The following ANKS1B variants were observed in gnomAD, a reference collection of about 807,000 sequenced individuals.
ANKS1B encodes the protein ankyrin repeat and sterile alpha motif domain-containing protein 1B.
Under a neutral mutation model 148.3 loss-of-function variants are expected in ANKS1B, and 36 were observed. That is an observed-to-expected ratio of 0.24 (90% CI 0.19 to 0.32). The LOEUF (loss-of-function observed/expected upper bound fraction) is 0.32, where lower values mean the gene tolerates loss of function less well. Ranked by LOEUF, ANKS1B falls within the 10% of genes least tolerant of loss-of-function variation. ANKS1B has a pLI of 1.00. For synonymous variants in ANKS1B, 542 were observed against 560.8 expected (o/e 0.97, Z 0.47); for missense variants, 1,157 against 1,542.6 (o/e 0.75, Z 4.19).
chr12:98,808,727 A>G (rs1222279723), intron 19 of ANKS1B, among the ~76,000 whole-genome samples: 1 of 152,224 alleles, frequency 6.6e-6, no homozygotes, highest in Non-Finnish European at 1.5e-5. Context: ...AGAAACCTTC[A>G]AAGAGACCGA....
At chr12:99,568,938 A>G (rs1365590678) in intron 9 of ANKS1B, among the ~76,000 whole-genome samples, 1 of 152,236 alleles carries the variant, frequency 6.6e-6, no homozygotes, top group African/African-American at 2.4e-5. Flanking sequence ...AATAGTTACA[A>G]TGATTCATAC....
chr12:99,320,076 G>A (rs1481174832), intron 12 of ANKS1B, among the ~76,000 whole-genome samples: 4 of 152,218 alleles, frequency 2.6e-5, no homozygotes, highest in Non-Finnish European at 4.4e-5. Flanking sequence ...TAGTCTGATC[G>A]GCTTCCCTTT....
intron 9 of ANKS1B, among the ~76,000 whole-genome samples, chr12:99,584,605 A>G (rs56131182): frequency 0.12 from 17,805 of 151,420 alleles, 1,291 homozygotes; most frequent in Non-Finnish European, 0.16. Flanking sequence ...TTGAGAGAGA[A>G]ATATATATAT....
chr12:99,126,907 T>C (rs1032307787), intron 15 of ANKS1B, among the ~76,000 whole-genome samples: 6 of 152,150 alleles, frequency 3.9e-5, no homozygotes, highest in Admixed American at 6.6e-5. Flanking sequence ...AAATGTATAC[T>C]GGTAACCGAT....
rs143352045 is a variant in ANKS1B, at chr12:99,085,767, A to G, written c.2527-744T>C. 7.0e-3 allele frequency among the ~76,000 whole-genome samples: 1,063 copies of G among 152,284 alleles called. 13 individuals are homozygous for G. The highest frequency in any genetic ancestry group is 0.046 in the South Asian group (219 of 4,812). ...CCTTAGCAAACTAATGCAGGAACAG[A>G]AAACCAAACACCACATGTTCTCGCT... On this transcript the variant is annotated intron_variant, in intron 15 of 26. Coordinates refer to ENST00000683438, the MANE Select transcript of ANKS1B (RefSeq NM_001352186.2).
chr12:99,303,857 C>T (rs1326377738), intron 12 of ANKS1B, among the ~76,000 whole-genome samples: 1 of 152,136 alleles, frequency 6.6e-6, no homozygotes, highest in Admixed American at 6.6e-5. Flanking sequence ...TTAGCTCCCA[C>T]ATATAAGTGA....
At chr12:99,852,189 G>A (rs552803789) in intron 1 of ANKS1B, among the ~76,000 whole-genome samples, 51 of 152,236 alleles carry the variant, frequency 3.4e-4, no homozygotes, top group African/African-American at 9.9e-4. Flanking sequence ...TTCACCTTAC[G>A]GGTTTTCTCA....
chr12:98,770,213 G>C (rs10860366), intron 25 of ANKS1B, among the ~76,000 whole-genome samples: 94,725 of 152,066 alleles, frequency 0.62, 30,152 homozygotes, highest in East Asian at 0.77. Context: ...AATTAGGACT[G>C]GGAAAAGTCC....
At chr12:98,743,446 C>T (rs190460330), downstream of ANKS1B, among the ~76,000 whole-genome samples, 13 of 152,306 alleles carry the variant, frequency 8.5e-5, no homozygotes, top group African/African-American at 3.1e-4. Context: ...ATGACCCCCC[C>T]TGCCCATGGT....
At chr12:99,216,780 C>T (rs987399654) in intron 14 of ANKS1B, among the ~76,000 whole-genome samples, 4 of 152,170 alleles carry the variant, frequency 2.6e-5, no homozygotes, top group African/African-American at 9.7e-5. Flanking sequence ...AATTTTCATA[C>T]TAGAATTTTT....
rs558959810 is a variant in ANKS1B at position 98,984,245 on chromosome 12, T to C, written c.2778+68912A>G. 1.8e-4 allele frequency among the ~76,000 whole-genome samples: 27 copies of C among 152,352 alleles called. No homozygotes were observed. The East Asian group carries it at 4.8e-3, about 27-fold the overall frequency. ...TAATCTCCTGGAAGGGTAGTTTGTG[T>C]GGTAAAATACTCTGGCCTTTTGATA... On this transcript the variant is annotated intron_variant, in intron 17 of 26. Transcript: ENST00000683438.
At chr12:99,727,161 A>G (rs990812762) in intron 8 of ANKS1B, among the ~76,000 whole-genome samples, 1 of 152,170 alleles carries the variant, frequency 6.6e-6, no homozygotes, top group African/African-American at 2.4e-5. Context: ...AAGAGAAAGA[A>G]GTAAAGCATA....
intron 1 of ANKS1B, among the ~76,000 whole-genome samples, chr12:99,891,161 T>C (rs566879529): frequency 2.0e-5 from 3 of 152,340 alleles, no homozygotes; most frequent in South Asian, 4.1e-4. Context: ...AATCATGTAG[T>C]AGTAGGTCTA....
rs1364287827 is a variant in ANKS1B at position 99,010,896 on chromosome 12, C to CTTT, written c.2778+42258_2778+42260dup. Among the ~76,000 whole-genome samples, 12 of 113,858 alleles carry CTTT rather than the reference C, an allele frequency of 1.1e-4. 3 individuals carry two copies. The highest frequency in any genetic ancestry group is 2.7e-4 in the African/African-American group (7 of 25,680). The allele number at this position is 113,858 out of a possible 152,430, so 74.7% of individuals were successfully genotyped here. On this transcript the variant is annotated intron_variant, in intron 17 of 26. Coordinates refer to ENST00000683438, the MANE Select transcript of ANKS1B (RefSeq NM_001352186.2). Reference sequence around the variant, plus strand: ...AAGTAGCTAGGACTACAGGTGTGAGCTTTTGTTTTTTTTTTTTTTTTTTTT... The same window carrying CTTT: ...AAGTAGCTAGGACTACAGGTGTGAGCTTTTTTTGTTTTTTTTTTTTTTTTTTTT...
At chr12:99,129,693 A>C (rs914021211) in intron 15 of ANKS1B, among the ~76,000 whole-genome samples, 1 of 152,158 alleles carries the variant, frequency 6.6e-6, no homozygotes, top group Non-Finnish European at 1.5e-5. Flanking sequence ...TTAAAACTTT[A>C]AAGTCTTTAT....
chr12:99,097,413 C>G (rs936375581), intron 15 of ANKS1B: 2 of 151,918 alleles, frequency 1.3e-5, no homozygotes, highest in Non-Finnish European at 2.9e-5. Context: ...GAATTAGGAT[C>G]CCATATGGCT....
intron 1 of ANKS1B, among the ~76,000 whole-genome samples, chr12:99,869,034 G>A (rs2091131714): frequency 6.6e-6 from 1 of 152,060 alleles, no homozygotes; most frequent in Admixed American, 6.6e-5. Context: ...TCCAGCCTAG[G>A]TAACAAAATG....
intron 6 of ANKS1B, among the ~76,000 whole-genome samples, 176 bp downstream of exon 6, chr12:99,779,695 A>G (rs892183077): frequency 2.0e-5 from 3 of 152,198 alleles, no homozygotes; most frequent in Non-Finnish European, 4.4e-5. Flanking sequence ...TAGTTGAAAA[A>G]CAAAAATAAA....
At chr12:99,584,225 A>G (rs1459172078) in intron 9 of ANKS1B, among the ~76,000 whole-genome samples, 1 of 152,218 alleles carries the variant, frequency 6.6e-6, no homozygotes, top group Non-Finnish European at 1.5e-5. Flanking sequence ...ATGAAAATTG[A>G]TTTAGCAAAA....
Sources: gnomAD v4.1 joint callset for allele counts (sites outside exome capture counted in the v4.1 genomes callset) on GRCh38, gnomAD v4.1.1 for gene constraint, MANE v1.5 for transcripts, NCBI Gene and HGNC (gene_info 2026-07-23, HGNC 2026-07-21) for gene names.